Variants in CFAP43 observed in about 807,000 individuals in gnomAD.
The protein encoded by CFAP43 is cilia- and flagella-associated protein 43.
In CFAP43, 155 loss-of-function variants were observed where a neutral mutation model predicts 218.9. The observed-to-expected ratio is 0.71, with a 90% CI of 0.62 to 0.81. CFAP43 has a LOEUF of 0.81. Among genes scored for constraint, CFAP43 ranks in the 30% least tolerant of loss-of-function variants. The pLI is 0.00. For synonymous variants in CFAP43, 645 were observed against 681.3 expected, an observed-to-expected ratio of 0.95 and a Z score of 0.83; for missense variants, 1,778 against 1,954.3, an observed-to-expected ratio of 0.91 and a Z score of 1.70.
Position 104,131,480 on chromosome 10 carries a change from T to C in CFAP43, c.4682A>G (p.His1561Arg). 6.2e-7 allele frequency: 1 copy of C among 1,607,018 alleles called. No individual in the cohort carries two copies. ...EQTIAVLDKM[H>R]KKNVENCKKL... ...CTTGCAGTTTTCCACATTCTTTTTGTGCATCTGAAATTTTTGTTCCCATGA... is the reference window on the plus strand; with the variant it reads ...CTTGCAGTTTTCCACATTCTTTTTGCGCATCTGAAATTTTTGTTCCCATGA... The change falls in exon 37 of 38, where the codon CAC becomes CGC. Residue 1561 changes from histidine (H) to arginine (R), a missense_variant. This residue lies in a region of CFAP43 where 211 missense variants were observed against 230.6 expected (regional missense o/e 0.91). Transcript: ENST00000357060.
At chr10:104,211,042 C>T (rs986266057) in intron 5 of CFAP43, among the ~76,000 whole-genome samples, 3 of 151,878 alleles carry the variant, frequency 2.0e-5, no homozygotes, top group South Asian at 2.1e-4. Flanking sequence ...CCACCCGTCT[C>T]GGCCTCCCAA....
At chr10:104,171,565 C>T (rs1016587171) in intron 20 of CFAP43, among the ~76,000 whole-genome samples, 1 of 152,210 alleles carries the variant, frequency 6.6e-6, no homozygotes, top group African/African-American at 2.4e-5. Flanking sequence ...CCTTAACTGT[C>T]CTTGAATCCA....
chr10:104,147,494 T>G (rs2088033238), intron 29 of CFAP43, among the ~76,000 whole-genome samples: 1 of 152,102 alleles, frequency 6.6e-6, no homozygotes, highest in Non-Finnish European at 1.5e-5. Context: ...TGCTTACATC[T>G]TAGTAAATCT....
chr10:104,225,132 C>A (rs1049283869), intron 3 of CFAP43, among the ~76,000 whole-genome samples: 2 of 152,078 alleles, frequency 1.3e-5, no homozygotes, highest in Non-Finnish European at 2.9e-5. Context: ...TCAATATTAG[C>A]AGGAAACATA....
chr10:104,197,022 A>G lies in CFAP43; in HGVS notation c.1213-89T>C, dbSNP rs1320204064. ...TACCTCCCTTTCCAGTGTGCCAATGATTTAGTATAAAATTTCATTTTACTT... is the reference window on the plus strand; with the variant it reads ...TACCTCCCTTTCCAGTGTGCCAATGGTTTAGTATAAAATTTCATTTTACTT... On this transcript the variant is annotated intron_variant, in intron 9 of 37. Coordinates refer to ENST00000357060, the MANE Select transcript of CFAP43 (RefSeq NM_025145.7). 6.3e-6 allele frequency: 6 copies of G among 952,242 alleles called. No individual in the cohort carries two copies. In the African/African-American group the frequency reaches 1.0e-4, roughly 16 times the overall value. 59.0% of individuals were successfully genotyped at this position (952,242 alleles called of 1,614,324 possible).
intron 4 of CFAP43, among the ~76,000 whole-genome samples, chr10:104,213,656 C>A (rs897363427): frequency 6.6e-6 from 1 of 152,116 alleles, no homozygotes; most frequent in Non-Finnish European, 1.5e-5. Flanking sequence ...CTGTCTCAGC[C>A]TCCCGAGTAG....
At chr10:104,215,626 C>A (rs968319866) in intron 3 of CFAP43, among the ~76,000 whole-genome samples, 5 of 152,158 alleles carry the variant, frequency 3.3e-5, no homozygotes, top group African/African-American at 1.2e-4. Context: ...CCCCACCAGA[C>A]CCTCAATAGG....
intron 35 of CFAP43, chr10:104,133,360 G>T: frequency 6.6e-6 from 2 of 304,404 alleles, no homozygotes; most frequent in Non-Finnish European, 1.2e-5. Context: ...ATGGTTAAAT[G>T]CTACAGAGAA....
At chr10:104,184,765 G>A (rs1254250864) in intron 16 of CFAP43, among the ~76,000 whole-genome samples, 1 of 151,962 alleles carries the variant, frequency 6.6e-6, no homozygotes, top group African/African-American at 2.4e-5. Flanking sequence ...AATCCTCCCT[G>A]TGAAAACCAT....
intron 4 of CFAP43, 59 bp from the exon 5 acceptor site, chr10:104,212,216 C>CCA: frequency 6.5e-7 from 1 of 1,547,928 alleles, no homozygotes; most frequent in Non-Finnish European, 8.8e-7. Flanking sequence ...ATTGATGCAA[C>CCA]CACTGCATAT....
In CFAP43 at chr10:104,187,342, C is replaced by T; in HGVS notation, c.1838G>A (p.Cys613Tyr). 1 of 1,600,640 alleles carries T rather than the reference C, an allele frequency of 6.2e-7. No individual in the cohort carries two copies. The highest frequency in any genetic ancestry group is 1.1e-5 in the South Asian group (1 of 87,756). ...YGFCSQVPYI[C>Y]SYLLPEEEHT... ...TACTTCTTCAGGAAGAAGGTAGCTA[C>T]AGATGTATGGCACTTGACTACAGAA... Residue 613 changes from cysteine to tyrosine, a missense_variant, in exon 14 of 38, where the codon TGT becomes TAT. Transcript: ENST00000357060.
chr10:104,202,895 C>T (rs2090575214), intron 8 of CFAP43, among the ~76,000 whole-genome samples: 1 of 151,154 alleles, frequency 6.6e-6, no homozygotes, highest in South Asian at 2.1e-4. Flanking sequence ...AAGTTTCTTT[C>T]AGGCAGAAAG....
intron 3 of CFAP43, among the ~76,000 whole-genome samples, chr10:104,217,284 A>G (rs573443757): frequency 6.6e-6 from 1 of 152,248 alleles, no homozygotes; most frequent in South Asian, 2.1e-4. Context: ...AGTGGCAGTC[A>G]TGTGTGCACC....
intron 4 of CFAP43, among the ~76,000 whole-genome samples, chr10:104,213,049 T>C (rs1054952619): frequency 2.0e-5 from 3 of 152,200 alleles, no homozygotes; most frequent in Admixed American, 6.5e-5. Flanking sequence ...GATAAATTAC[T>C]TGCCTGCCCT....
Position 104,179,120 on chromosome 10 carries a change from A to T in CFAP43, c.2383-14T>A. ...CTTTTTGATGGCCTGAAACAGAACA[A>T]GTATATCACTTAACAAAGCAAGAGA... On this transcript the variant is annotated splice_polypyrimidine_tract_variant and intron_variant, in intron 18 of 37. Coordinates refer to ENST00000357060, the MANE Select transcript of CFAP43 (RefSeq NM_025145.7). The T allele has an allele frequency of 6.3e-7, 1 of 1,597,164 alleles. No homozygotes were observed. Among genetic ancestry groups the T allele is most frequent in the Non-Finnish European group, 8.6e-7 (1 of 1,166,098 alleles).
At chr10:104,188,205 C>A in intron 13 of CFAP43, 65 bp downstream of exon 13, 1 of 1,566,260 alleles carries the variant, frequency 6.4e-7, no homozygotes, top group Non-Finnish European at 8.6e-7. Flanking sequence ...AAAACAAACC[C>A]AAAAAACAAT....
At chr10:104,138,248 C>T (rs975815637) in intron 34 of CFAP43, among the ~76,000 whole-genome samples, 9 of 152,010 alleles carry the variant, frequency 5.9e-5, no homozygotes, top group African/African-American at 1.7e-4. Flanking sequence ...ATACTCCAGG[C>T]GAATAGTGAT....
Position 104,182,475 on chromosome 10 carries a change from T to C in CFAP43, c.2180A>G (p.Tyr727Cys), listed in dbSNP as rs1053570345. 1 of 1,611,832 alleles carries C rather than the reference T, an allele frequency of 6.2e-7. No individual in the cohort carries two copies. Among genetic ancestry groups the C allele is most frequent in the African/African-American group, 1.3e-5 (1 of 74,812 alleles). The change falls in exon 17 of 38, where the codon TAT becomes TGT. Residue 727 changes from tyrosine to cysteine, a missense_variant. This residue lies in a region of CFAP43 where 1,553 missense variants were observed against 1,685.2 expected (regional missense o/e 0.92). Coordinates refer to ENST00000357060, the MANE Select transcript of CFAP43 (RefSeq NM_025145.7). ...CAGGGAAATTAATAGTTTCTGGTAA[T>C]AGTCCAGAATTTCACTGGCTAGGTG... is the stretch of plus-strand genomic sequence containing the variant. Reference protein sequence around the residue: ...GGHLASEILDYYQKLLISLSS... With the variant: ...GGHLASEILDCYQKLLISLSS...
chr10:104,212,039 C>T lies in CFAP43; in HGVS notation c.703G>A (p.Gly235Arg), dbSNP rs200041324. 62 of 1,613,314 alleles carry T rather than the reference C, an allele frequency of 3.8e-5. No individual in the cohort carries two copies. The South Asian group carries it at 4.6e-4, about 12-fold the overall frequency. Residue 235 changes from glycine (G) to arginine (R), a missense_variant, in exon 5 of 38, where the codon GGG becomes AGG. Physicochemically the swap from Gly to Arg is moderately radical, Grantham distance 125. Around this residue, in one of 3 missense-constraint regions of CFAP43, gnomAD observed 1,553 missense variants for 1,685.2 expected, o/e 0.92. Coordinates refer to ENST00000357060, the MANE Select transcript of CFAP43 (RefSeq NM_025145.7). ...GPVLPLSAIA[G>R]LVGKEAETFR... ...GTCTCTGCCTCTTTGCCTACCAGCCCGGCAATGGCTGACAGTGGCAGCACG... is the reference window on the plus strand; with the variant it reads ...GTCTCTGCCTCTTTGCCTACCAGCCTGGCAATGGCTGACAGTGGCAGCACG...
Sources: gnomAD v4.1 joint callset for allele counts (sites outside exome capture counted in the v4.1 genomes callset) on GRCh38, gnomAD v4.1.1 for gene constraint, gnomAD v4.1.1 regional missense constraint, MANE v1.5 for transcripts, NCBI Gene and HGNC (gene_info 2026-07-23, HGNC 2026-07-21) for gene names.